The following TRIM2 variants were observed in gnomAD, a reference collection of about 807,000 sequenced individuals.
The protein encoded by TRIM2 is tripartite motif containing 2, also known as tripartite motif-containing protein 2.
A neutral mutation model predicts 75.2 loss-of-function variants in TRIM2; 20 were observed. The observed-to-expected ratio is 0.27, with a 90% CI of 0.19 to 0.39. The LOEUF is 0.39. Among genes scored for constraint, TRIM2 ranks in the 10% least tolerant of loss-of-function variants. TRIM2 has a pLI of 1.00. For synonymous variants in TRIM2, 373 were observed against 388.3 expected (o/e 0.96, Z 0.46); for missense variants, 660 against 990.8 (o/e 0.67, Z 4.48).
chr4:153,162,152 C>T (rs1223047722), intron 1 of TRIM2, among the ~76,000 whole-genome samples: 1 of 152,152 alleles, frequency 6.6e-6, no homozygotes, highest in Non-Finnish European at 1.5e-5. Flanking sequence ...GCATATAGTA[C>T]ATCTTCAAGA....
At chr4:153,155,038 G>T (rs1285458495) in intron 1 of TRIM2, among the ~76,000 whole-genome samples, 7 of 152,144 alleles carry the variant, frequency 4.6e-5, no homozygotes, top group African/African-American at 1.7e-4. Context: ...TACTAGAGAG[G>T]CTGAGGCAGG....
At chr4:153,311,835 C>T (rs1406272002) in intron 6 of TRIM2, among the ~76,000 whole-genome samples, 1 of 151,368 alleles carries the variant, frequency 6.6e-6, no homozygotes, top group African/African-American at 2.4e-5. Context: ...GCTGTGATTA[C>T]AGGCACGAGC....
intron 1 of TRIM2, among the ~76,000 whole-genome samples, chr4:153,227,743 T>G (rs1160283522): frequency 6.6e-6 from 1 of 152,214 alleles, no homozygotes; most frequent in Non-Finnish European, 1.5e-5. Flanking sequence ...GAATTAAAAT[T>G]GTGAACTAGA....
intron 1 of TRIM2, among the ~76,000 whole-genome samples, chr4:153,184,527 C>T (rs546746176): frequency 3.2e-4 from 48 of 152,238 alleles, no homozygotes; most frequent in Non-Finnish European, 5.3e-4. Context: ...CACAAACATT[C>T]GGTTCATAAC....
chr4:153,166,430 G>A (rs539494616), intron 1 of TRIM2, among the ~76,000 whole-genome samples: 2 of 152,194 alleles, frequency 1.3e-5, no homozygotes, highest in Middle Eastern at 3.4e-3. Context: ...AGTAATCTAG[G>A]TTTTTCTTTG....
chr4:153,261,471 G>A (rs977430559), intron 1 of TRIM2, among the ~76,000 whole-genome samples: 3 of 152,082 alleles, frequency 2.0e-5, no homozygotes, highest in African/African-American at 4.8e-5. Flanking sequence ...AACTAAAGTG[G>A]CACCAAAGAG....
At position 153,260,675 on chromosome 4, in the gene TRIM2, C is replaced by G. The variant is rs539730108; in HGVS notation, c.31-9660C>G. 2.8e-5 allele frequency among the ~76,000 whole-genome samples: 3 copies of G among 105,650 alleles called. 1 individual carries two copies. The highest frequency in any genetic ancestry group is 9.8e-5 in the African/African-American group (3 of 30,744). The allele number at this position is 105,650 out of a possible 152,430, so 69.3% of individuals were successfully genotyped here. The stretch of plus-strand genomic sequence containing the variant: ...ATGCCTTCCCCCCAAAACACACACA[C>G]CCACCCACACACCCACCCCCCCCCC... On this transcript the variant is annotated intron_variant, in intron 1 of 11. Coordinates refer to ENST00000338700, the MANE Select transcript of TRIM2 (RefSeq NM_015271.5).
intron 1 of TRIM2, among the ~76,000 whole-genome samples, chr4:153,192,602 C>CAAA (rs35750080): frequency 1.9e-5 from 2 of 106,434 alleles, no homozygotes; most frequent in African/African-American, 3.9e-5. Flanking sequence ...GACCCTATCT[C>CAAA]AAAAAAAAAA....
chr4:153,301,917 G>A (rs192268004), intron 6 of TRIM2, among the ~76,000 whole-genome samples: 6 of 152,316 alleles, frequency 3.9e-5, no homozygotes, highest in Admixed American at 3.3e-4. Context: ...ATGGTGTGAT[G>A]CCACCAGCTT....
upstream of TRIM2, among the ~76,000 whole-genome samples, chr4:153,203,581 C>CT (rs1297733877): frequency 7.7e-6 from 1 of 130,038 alleles, no homozygotes; most frequent in Non-Finnish European, 1.5e-5. Flanking sequence ...CAGCAAGACT[C>CT]TGTCTCAAAA....
At chr4:153,249,018 A>T (rs1750067022) in intron 1 of TRIM2, among the ~76,000 whole-genome samples, 1 of 152,214 alleles carries the variant, frequency 6.6e-6, no homozygotes, top group African/African-American at 2.4e-5. Flanking sequence ...CAGTCGGGAG[A>T]ACTCCTGTTG....
chr4:153,158,585 C>A (rs1389488553), intron 1 of TRIM2, among the ~76,000 whole-genome samples: 1 of 151,982 alleles, frequency 6.6e-6, no homozygotes, highest in Non-Finnish European at 1.5e-5. Context: ...CTCTTGCCAT[C>A]ATGTTTAGAA....
At chr4:153,256,281 C>G (rs1180078138) in intron 1 of TRIM2, among the ~76,000 whole-genome samples, 1 of 152,236 alleles carries the variant, frequency 6.6e-6, no homozygotes, top group Non-Finnish European at 1.5e-5. Context: ...TGATCCCCCT[C>G]CTCCTACTAC....
chr4:153,314,276 CG>C (rs1189293725), intron 6 of TRIM2, among the ~76,000 whole-genome samples: 1 of 145,198 alleles, frequency 6.9e-6, no homozygotes. Context: ...AAAAATTAGC[CG>C]GGCGTAGTGG....
chr4:153,291,007 A>T (rs1313932281), intron 3 of TRIM2, among the ~76,000 whole-genome samples: 1 of 152,120 alleles, frequency 6.6e-6, no homozygotes, highest in Non-Finnish European at 1.5e-5. Context: ...AGGCCTGCAG[A>T]GGAGCAAAGT....
In TRIM2 at chr4:153,338,321, T is replaced by C; in HGVS notation, c.*3355T>C. 1 of 985,824 alleles carries C rather than the reference T, an allele frequency of 1.0e-6. No homozygotes were observed. The highest frequency in any genetic ancestry group is 1.2e-6 in the Non-Finnish European group (1 of 829,928). The allele number at this position is 985,824 out of a possible 1,614,324, so 61.1% of individuals were successfully genotyped here. On this transcript the variant is annotated 3_prime_UTR_variant, in exon 12 of 12. Coordinates refer to ENST00000338700, the MANE Select transcript of TRIM2 (RefSeq NM_015271.5). ...TGCAGATTACTTCAAATGGGAAAAATCTTTTTGTAGACTCTATAGTACCCT... is the reference window on the plus strand; with the variant it reads ...TGCAGATTACTTCAAATGGGAAAAACCTTTTTGTAGACTCTATAGTACCCT...
At chr4:153,181,022 AT>A (rs1254401496) in intron 1 of TRIM2, among the ~76,000 whole-genome samples, 1 of 152,196 alleles carries the variant, frequency 6.6e-6, no homozygotes, top group East Asian at 1.9e-4. Context: ...CACCTTGCAT[AT>A]AGAAAAGTGA....
chr4:153,244,260 TCCTCCTCCTCCTCC>T (rs1560873127), intron 1 of TRIM2, among the ~76,000 whole-genome samples: 83 of 4,414 alleles, frequency 0.019, 5 homozygotes, highest in Non-Finnish European at 0.027. Flanking sequence ...TCTTTCCTCC[TCCTCCTCCTCCTCC>T]TCCTCCTCCT....
At chr4:153,334,074 A>G (rs1561033441) in intron 11 of TRIM2, among the ~76,000 whole-genome samples, 1 of 151,988 alleles carries the variant, frequency 6.6e-6, no homozygotes. Flanking sequence ...TTTTCCCCTT[A>G]TAAGTGTGGG....
Sources: gnomAD v4.1 joint callset for allele counts (sites outside exome capture counted in the v4.1 genomes callset) on GRCh38, gnomAD v4.1.1 for gene constraint, MANE v1.5 for transcripts, NCBI Gene and HGNC (gene_info 2026-07-23, HGNC 2026-07-21) for gene names.